Variants in NEDD9 observed in about 807,000 individuals in gnomAD.
NEDD9 encodes enhancer of filamentation 1.
A neutral mutation model predicts 76.6 loss-of-function variants in NEDD9; 26 were observed. That is an observed-to-expected ratio of 0.34 (90% confidence interval 0.25 to 0.47). The LOEUF (loss-of-function observed/expected upper bound fraction) is 0.47, where lower values mean the gene tolerates loss of function less well. Ranked by LOEUF, NEDD9 falls within the 20% of genes least tolerant of loss-of-function variation. NEDD9 has a pLI of 1.00. For missense variants in NEDD9, 937 were observed against 1,058.5 expected (o/e 0.89, Z 1.59); for synonymous variants, 392 against 414.2 (o/e 0.95, Z 0.65).
chr6:11,358,553 T>C (rs1434116128), intron 1 of NEDD9, among the ~76,000 whole-genome samples: 1 of 152,108 alleles, frequency 6.6e-6, no homozygotes, highest in South Asian at 2.1e-4. Context: ...TGAGAAGCAG[T>C]TTGAAGAGTC....
intron 3 of NEDD9, among the ~76,000 whole-genome samples, chr6:11,285,859 A>G (rs910656235): frequency 9.2e-5 from 14 of 152,202 alleles, no homozygotes; most frequent in Non-Finnish European, 2.9e-5. Context: ...ATATTAATTC[A>G]AAGTGGATCA....
At chr6:11,305,577 A>G (rs1376730653) in intron 3 of NEDD9, among the ~76,000 whole-genome samples, 2 of 152,256 alleles carry the variant, frequency 1.3e-5, no homozygotes, top group Non-Finnish European at 1.5e-5. Flanking sequence ...GGAATGGCCG[A>G]ATGGAAGTTG....
At chr6:11,259,855 T>C (rs1484364393) in intron 3 of NEDD9, among the ~76,000 whole-genome samples, 2 of 151,942 alleles carry the variant, frequency 1.3e-5, no homozygotes, top group Non-Finnish European at 2.9e-5. Flanking sequence ...ATGCCAATAC[T>C]GTCAAACCTT....
intron 1 of NEDD9, among the ~76,000 whole-genome samples, chr6:11,227,538 C>T (rs1440953178): frequency 1.3e-5 from 2 of 152,236 alleles, no homozygotes; most frequent in African/African-American, 4.8e-5. Flanking sequence ...AAAGCCCATG[C>T]TCTATCATGT....
chr6:11,188,221 A>T lies in NEDD9; in HGVS notation c.1992T>A (p.His664Gln), dbSNP rs757172485. The change falls in exon 6 of 7, where the codon CAT becomes CAA. Residue 664 changes from histidine to glutamine, a missense_variant. Transcript: ENST00000379446. ...MKQNKMQLEH[H>Q]QLSQFQLLEQ... ...TTTTTGCTCTGATTGAACTTACCTG[A>T]TGATGTTCCAGCTGCATCTTGTTCT... 1 of 1,613,892 alleles carries T rather than the reference A, an allele frequency of 6.2e-7. No homozygotes were observed. The highest frequency in any genetic ancestry group is 1.7e-5 in the Admixed American group (1 of 60,016).
At chr6:11,318,071 A>G (rs548829063) in intron 2 of NEDD9, among the ~76,000 whole-genome samples, 26 of 152,264 alleles carry the variant, frequency 1.7e-4, no homozygotes, top group Non-Finnish European at 3.4e-4. Flanking sequence ...GAGATATCAG[A>G]TCTTCCTGGG....
At chr6:11,247,614 C>G (rs1759835310) in intron 3 of NEDD9, among the ~76,000 whole-genome samples, 1 of 152,204 alleles carries the variant, frequency 6.6e-6, no homozygotes, top group African/African-American at 2.4e-5. Flanking sequence ...CCCCAGGCCC[C>G]AGACCTCTGG....
At chr6:11,317,680 T>C (rs1298841743) in intron 2 of NEDD9, among the ~76,000 whole-genome samples, 3 of 152,184 alleles carry the variant, frequency 2.0e-5, no homozygotes, top group Non-Finnish European at 4.4e-5. Flanking sequence ...CAGTCTAGAC[T>C]TCTCTTTCTA....
At chr6:11,221,748 T>C (rs1759151824) in intron 1 of NEDD9, among the ~76,000 whole-genome samples, 1 of 152,176 alleles carries the variant, frequency 6.6e-6, no homozygotes, top group South Asian at 2.1e-4. Context: ...TACAGTATCT[T>C]GGCAAGGGGT....
intron 3 of NEDD9, among the ~76,000 whole-genome samples, chr6:11,292,100 G>T (rs1760787321): frequency 6.6e-6 from 1 of 152,200 alleles, no homozygotes; most frequent in Non-Finnish European, 1.5e-5. Flanking sequence ...GATTCCCACA[G>T]ATAAGGTTTT....
chr6:11,214,175 A>G (rs1219522188), intron 1 of NEDD9: 1 of 518,872 alleles, frequency 1.9e-6, no homozygotes, highest in Non-Finnish European at 3.8e-6. Context: ...AAAATCCCAA[A>G]TAACACACAG....
At chr6:11,288,289 T>C (rs1760692753) in intron 3 of NEDD9, among the ~76,000 whole-genome samples, 1 of 152,186 alleles carries the variant, frequency 6.6e-6, no homozygotes, top group African/African-American at 2.4e-5. Flanking sequence ...TGGTCTAAGG[T>C]CTGTTAGGCT....
chr6:11,248,900 C>G (rs1309153413), intron 3 of NEDD9: 5 of 339,064 alleles, frequency 1.5e-5, no homozygotes, highest in Non-Finnish European at 1.8e-5. Flanking sequence ...TTGCCAGCTA[C>G]CTGCCCTCTC....
chr6:11,225,115 A>G (rs555331504), intron 1 of NEDD9, among the ~76,000 whole-genome samples: 2 of 152,186 alleles, frequency 1.3e-5, no homozygotes, highest in African/African-American at 4.8e-5. Context: ...CTGCCCCCCA[A>G]CCACACATAC....
intron 1 of NEDD9, among the ~76,000 whole-genome samples, chr6:11,340,516 GTATTCT>G (rs1762251237): frequency 6.6e-6 from 1 of 152,092 alleles, no homozygotes; most frequent in Non-Finnish European, 1.5e-5. Context: ...TATGTAATAG[GTATTCT>G]TATTATTTCC....
At chr6:11,232,955 C>G (rs1376831072), upstream of NEDD9, among the ~76,000 whole-genome samples, 2 of 151,160 alleles carry the variant, frequency 1.3e-5, no homozygotes, top group African/African-American at 4.9e-5. Flanking sequence ...TTAAGATTAA[C>G]CCAAATTTTA....
chr6:11,218,883 C>G (rs891368141), intron 1 of NEDD9, among the ~76,000 whole-genome samples: 1 of 152,144 alleles, frequency 6.6e-6, no homozygotes, highest in Non-Finnish European at 1.5e-5. Flanking sequence ...GGGAGCCTGA[C>G]CCCCCTGAAA....
At chr6:11,297,706 G>A (rs1043252942) in intron 3 of NEDD9, among the ~76,000 whole-genome samples, 4 of 152,214 alleles carry the variant, frequency 2.6e-5, no homozygotes, top group South Asian at 2.1e-4. Context: ...GGCTTAGTAC[G>A]TGCCAAACAC....
At chr6:11,308,901 G>T (rs1226224309) in intron 2 of NEDD9, among the ~76,000 whole-genome samples, 1 of 152,126 alleles carries the variant, frequency 6.6e-6, no homozygotes, top group East Asian at 1.9e-4. Context: ...TGATGTCAAA[G>T]GAAAAGAATA....
Sources: allele counts gnomAD v4.1 joint callset (sites outside exome capture counted in the v4.1 genomes callset), GRCh38; gene constraint gnomAD v4.1.1; transcripts MANE v1.5; gene names NCBI Gene and HGNC (gene_info 2026-07-23, HGNC 2026-07-21).